The following CYP27B1 variants were observed in gnomAD, a reference collection of about 807,000 sequenced individuals.
The protein encoded by CYP27B1 is 25-hydroxyvitamin D-1 alpha hydroxylase, mitochondrial.
Under a neutral mutation model 54.8 loss-of-function variants are expected in CYP27B1, and 46 were observed. The ratio of observed to expected loss-of-function variants is 0.84; its 90% confidence interval spans 0.66 to 1.07. The LOEUF is 1.07. Among genes scored for constraint, CYP27B1 ranks in the 50% least tolerant of loss-of-function variants. The pLI, the probability that CYP27B1 is intolerant of heterozygous loss-of-function variation, is 0.00. For synonymous variants in CYP27B1, 292 were observed against 297.3 expected, an observed-to-expected ratio of 0.98 and a Z score of 0.18; for missense variants, 674 against 692.2, an observed-to-expected ratio of 0.97 and a Z score of 0.30.
In CYP27B1 at chr12:57,765,965, C is replaced by T; in HGVS notation, c.386+42G>A. 6.6e-7 allele frequency: 1 copy of T among 1,505,426 alleles called. No individual in the cohort carries two copies. Among genetic ancestry groups the T allele is most frequent in the Non-Finnish European group, 8.9e-7 (1 of 1,128,302 alleles). The allele number at this position is 1,505,426 out of a possible 1,614,324, so 93.3% of individuals were successfully genotyped here. On this transcript the variant is annotated intron_variant, in intron 2 of 8. Transcript: ENST00000228606. This position sits in a 1 kb window ranked among gnomAD's most constrained non-coding sequence, Gnocchi z 5.8. ...TTCGGGACCCGCAGCAGGAGAGGGCCGCTGCAGGGCGTCTGGGCTTCTGGG... is the reference window on the plus strand; with the variant it reads ...TTCGGGACCCGCAGCAGGAGAGGGCTGCTGCAGGGCGTCTGGGCTTCTGGG...
intron 1 of CYP27B1, 191 bp from the exon 2 acceptor site, chr12:57,766,388 T>C: frequency 2.6e-6 from 2 of 772,940 alleles, no homozygotes; most frequent in Non-Finnish European, 3.9e-6. Context: ...AAAGTTTGAG[T>C]GTGATGGGCA....
chr12:57,763,062 A>T lies in CYP27B1; in HGVS notation c.*80T>A, dbSNP rs1480954275. The stretch of plus-strand genomic sequence containing the variant: ...TCAGATAGGCATTAGGGGAAGATGT[A>T]TACCTTGGTCTTGTGCCTACAAAAA... On this transcript the variant is annotated 3_prime_UTR_variant, in exon 9 of 9. Coordinates refer to ENST00000228606, the MANE Select transcript of CYP27B1 (RefSeq NM_000785.4). 1.0e-5 allele frequency: 10 copies of T among 980,544 alleles called. No individual in the cohort carries two copies. Among genetic ancestry groups the T allele is most frequent in the Non-Finnish European group, 1.6e-5 (10 of 622,664 alleles). The allele number at this position is 980,544 out of a possible 1,614,324, so 60.7% of individuals were successfully genotyped here. A position where few individuals can be genotyped will look rare whatever the true frequency, so the allele number is the denominator to read the frequency against.
At chr12:57,764,582 G>GGGTGT (rs749181794) in intron 5 of CYP27B1, 32 bp from the exon 6 acceptor site, 22 of 1,612,622 alleles carry the variant, frequency 1.4e-5, no homozygotes, top group Non-Finnish European at 1.9e-5. Flanking sequence ...GAGAGGTGTT[G>GGGTGT]GGTGTGAGAA....
Position 57,763,263 on chromosome 12 carries a change from G to T in CYP27B1, c.1414-8C>A, listed in dbSNP as rs1250169834. ...CTCAAAATGTGTTAGGATCTGGAAA[G>T]GGAAGAAGGTGAGCATTACTATGAA... On this transcript the variant is annotated splice_polypyrimidine_tract_variant and splice_region_variant and intron_variant, in intron 8 of 8. Coordinates refer to ENST00000228606, the MANE Select transcript of CYP27B1 (RefSeq NM_000785.4). 1 of 1,602,156 alleles carries T rather than the reference G, an allele frequency of 6.2e-7. No individual in the cohort carries two copies.
At position 57,765,267 on chromosome 12, in the gene CYP27B1, AC is replaced by A; in HGVS notation, c.589+29del. 6.2e-7 allele frequency: 1 copy of A among 1,611,962 alleles called. No individual in the cohort carries two copies. The highest frequency in any genetic ancestry group is 1.7e-5 in the Admixed American group (1 of 59,908). ...GGGAGGCTCTGGTAGGGCGCCCCCG[AC>A]GCCTGCCCAGCTCTGTCCTGGGACT... On this transcript the variant is annotated intron_variant, in intron 3 of 8. Transcript: ENST00000228606. This position sits in a 1 kb window ranked among gnomAD's most constrained non-coding sequence, Gnocchi z 5.8.
chr12:57,765,336 G>A lies in CYP27B1; in HGVS notation c.550C>T (p.Arg184Trp), dbSNP rs554101223. The change falls in exon 3 of 9, where the codon CGG (arginine) becomes TGG (tryptophan). Residue 184 changes from arginine to tryptophan, a missense_variant. By Grantham distance (101) the Arg-to-Trp change is moderately radical. Transcript: ENST00000228606. The surrounding 1 kb of genome is among the most constrained non-coding windows in gnomAD (Gnocchi z 5.8). ...TTGTAAAATTCCCCCGCCACGTCCC[G>A]AACCAGGGCGGGCGGCCCCGTGCCA... ...GRGTGPPALVRDVAGEFYKFG... is the reference protein window; with the variant it reads ...GRGTGPPALVWDVAGEFYKFG... 1.4e-5 allele frequency: 22 copies of A among 1,613,450 alleles called. No individual in the cohort carries two copies. Among genetic ancestry groups the A allele is most frequent in the Admixed American group, 1.0e-4 (6 of 60,004 alleles).
At position 57,766,883 on chromosome 12, in the gene CYP27B1, G is replaced by A; in HGVS notation, c.159C>T (p.Phe53=). 3 of 1,614,196 alleles carry A rather than the reference G, an allele frequency of 1.9e-6. No individual in the cohort carries two copies. The highest frequency in any genetic ancestry group is 2.5e-6 in the Non-Finnish European group (3 of 1,180,034). The change falls in exon 1 of 9, where the codon TTC becomes TTT. Residue 53 remains phenylalanine, a synonymous_variant. Transcript: ENST00000228606. The part of the protein sequence containing the change: ...PSTPSFLAEL[F]CKGGLSRLHE... ...GTAGCCTCGACAGCCCCCCCTTGCA[G>A]AAAAGTTCGGCCAGAAAGCTGGGCG...
Position 57,763,015 on chromosome 12 carries a change from A to G in CYP27B1, c.*127T>C, listed in dbSNP as rs976511556. 5.5e-5 allele frequency: 40 copies of G among 730,192 alleles called. No homozygotes were observed. In the African/African-American group the frequency reaches 5.8e-4, roughly 11 times the overall value. 45.2% of individuals were successfully genotyped at this position (730,192 alleles called of 1,614,324 possible). A position where few individuals can be genotyped will look rare whatever the true frequency, so the allele number is the denominator to read the frequency against. On this transcript the variant is annotated 3_prime_UTR_variant, in exon 9 of 9. Transcript: ENST00000228606. ...GGTCAGGGCCGCCTCACACTTCACT[A>G]TGGTGGTTCTATCCAGTTTGGTCAG...
chr12:57,764,643 G>T, intron 5 of CYP27B1, 93 bp from the exon 6 acceptor site: 1 of 1,592,156 alleles, frequency 6.3e-7, no homozygotes. Flanking sequence ...AGGGTGCTAA[G>T]CCAAGCTGGT....
At position 57,764,944 on chromosome 12, in the gene CYP27B1, A is replaced by G; in HGVS notation, c.791-18T>C. The G allele has an allele frequency of 6.2e-6, 10 of 1,614,106 alleles. No individual in the cohort carries two copies. The highest frequency in any genetic ancestry group is 8.5e-6 in the Non-Finnish European group (10 of 1,180,026). ...CCTCTGAGCTGCGTGGGTAGAAGGCACGTGAATACCTCGCTACCCCTGGAC... is the reference window on the plus strand; with the variant it reads ...CCTCTGAGCTGCGTGGGTAGAAGGCGCGTGAATACCTCGCTACCCCTGGAC... On this transcript the variant is annotated intron_variant, in intron 4 of 8. Coordinates refer to ENST00000228606, the MANE Select transcript of CYP27B1 (RefSeq NM_000785.4).
chr12:57,766,293 A>G, intron 1 of CYP27B1, 96 bp from the exon 2 acceptor site: 1 of 1,408,288 alleles, frequency 7.1e-7, no homozygotes, highest in Non-Finnish European at 9.3e-7. Context: ...GCTTGGGAAT[A>G]GGGAGCTTCT....
chr12:57,766,405 G>C, intron 1 of CYP27B1: 1 of 637,388 alleles, frequency 1.6e-6, no homozygotes, highest in South Asian at 2.5e-5. Context: ...GGCAAAACCG[G>C]AACTTTGTGC....
At position 57,766,894 on chromosome 12, in the gene CYP27B1, C is replaced by T. The variant is rs759569512; in HGVS notation, c.148G>A (p.Ala50Thr). 6.2e-6 allele frequency: 10 copies of T among 1,614,166 alleles called. No homozygotes were observed. In the East Asian group the frequency reaches 2.0e-4, roughly 32 times the overall value. The change falls in exon 1 of 9, where the codon GCC becomes ACC. Residue 50 changes from alanine to threonine, a missense_variant. Ala to Thr is a moderately conservative substitution (Grantham distance 58). Coordinates refer to ENST00000228606, the MANE Select transcript of CYP27B1 (RefSeq NM_000785.4). ...IPGPSTPSFL[A>T]ELFCKGGLSR... ...AGCCCCCCCTTGCAGAAAAGTTCGGCCAGAAAGCTGGGCGTAGAGGGGCCT... is the reference window on the plus strand; with the variant it reads ...AGCCCCCCCTTGCAGAAAAGTTCGGTCAGAAAGCTGGGCGTAGAGGGGCCT...
At position 57,766,856 on chromosome 12, in the gene CYP27B1, G is replaced by C. The variant is rs1955366223; in HGVS notation, c.186C>G (p.His62Gln). The change falls in exon 1 of 9, where the codon CAC becomes CAG. Residue 62 changes from histidine to glutamine, a missense_variant. By Grantham distance (24) the His-to-Gln change is conservative. Transcript: ENST00000228606. ...AGGCGTCCCTTCCTACCTGCAGCTC[G>C]TGTAGCCTCGACAGCCCCCCCTTGC... Reference protein sequence around the residue: ...LFCKGGLSRLHELQVQGAAHF... With the variant: ...LFCKGGLSRLQELQVQGAAHF... 1.9e-6 allele frequency: 3 copies of C among 1,614,082 alleles called. No individual in the cohort carries two copies.
At chr12:57,766,810 C>G (rs767679343) in intron 1 of CYP27B1, 37 bp downstream of exon 1, 2 of 1,609,014 alleles carry the variant, frequency 1.2e-6, no homozygotes, top group Non-Finnish European at 8.5e-7. Flanking sequence ...AACCAGTTTC[C>G]CCAGCACTCT....
chr12:57,764,562 G>T lies in CYP27B1; in HGVS notation c.964-12C>A. 1 of 1,613,864 alleles carries T rather than the reference G, an allele frequency of 6.2e-7. No homozygotes were observed. Among genetic ancestry groups the T allele is most frequent in the Non-Finnish European group, 8.5e-7 (1 of 1,180,006 alleles). On this transcript the variant is annotated splice_polypyrimidine_tract_variant and intron_variant, in intron 5 of 8. Coordinates refer to ENST00000228606, the MANE Select transcript of CYP27B1 (RefSeq NM_000785.4). ...AGCGTGTTGGACACCTGAAAAACAT[G>T]TGAAAGCAAGAGAGGTGTTGGGTGT...
chr12:57,765,035 C>T lies in CYP27B1; in HGVS notation c.766G>A (p.Asp256Asn), dbSNP rs200174985. The T allele has an allele frequency of 5.0e-6, 8 of 1,613,910 alleles. No individual in the cohort carries two copies. The highest frequency in any genetic ancestry group is 6.8e-6 in the Non-Finnish European group (8 of 1,180,044). ...CCAAATGCAAACATCTGGTCCCAGT[C>T]TCGGCAGAGGCGGCCCCAGGGCCCA... ...VPGPWGRLCR[D>N]WDQMFAFAQR... Residue 256 changes from aspartate to asparagine, a missense_variant, in exon 4 of 9, where the codon GAC becomes AAC. Transcript: ENST00000228606. The surrounding 1 kb of genome is among the most constrained non-coding windows in gnomAD (Gnocchi z 5.8).
chr12:57,763,875 T>C, intron 7 of CYP27B1, 67 bp from the exon 8 acceptor site: 1 of 1,505,352 alleles, frequency 6.6e-7, no homozygotes, highest in Non-Finnish European at 9.2e-7. Flanking sequence ...GAAGAGGATA[T>C]TCAGACAGGG....
In CYP27B1 at chr12:57,764,371, C is replaced by T. The variant is rs778225054; in HGVS notation, c.1136+7G>A. ...TTCCTCTTGTTCCTCCTCTCCTTCC[C>T]CCTCACCTTAGCACTTCCTTGACCA... On this transcript the variant is annotated splice_region_variant and intron_variant, in intron 6 of 8. Coordinates refer to ENST00000228606, the MANE Select transcript of CYP27B1 (RefSeq NM_000785.4). 7.6e-5 allele frequency: 122 copies of T among 1,614,086 alleles called. No individual in the cohort carries two copies. The highest frequency in any genetic ancestry group is 1.0e-4 in the Non-Finnish European group (118 of 1,180,038).
Sources: gnomAD v4.1 joint callset for allele counts on GRCh38, gnomAD v4.1.1 for gene constraint, Gnocchi (gnomAD v3.1) non-coding constraint, MANE v1.5 for transcripts, NCBI Gene and HGNC (gene_info 2026-07-23, HGNC 2026-07-21) for gene names.